Variants in TCEA1 observed in about 807,000 individuals in gnomAD.
TCEA1 encodes the protein transcription elongation factor A protein 1.
A neutral mutation model predicts 43.8 loss-of-function variants in TCEA1; 21 were observed. The observed-to-expected ratio is 0.48, with a 90% CI of 0.34 to 0.69. TCEA1 has a LOEUF of 0.69. Among genes scored for constraint, TCEA1 ranks in the 30% least tolerant of loss-of-function variants. The pLI, the probability that TCEA1 is intolerant of heterozygous loss-of-function variation, is 0.01. For missense variants in TCEA1, 250 were observed against 365.1 expected (o/e 0.68, Z 2.57); for synonymous variants, 104 against 117.5 (o/e 0.88, Z 0.75).
intron 2 of TCEA1, among the ~76,000 whole-genome samples, chr8:54,002,194 G>A (rs995117839): frequency 6.6e-6 from 1 of 151,710 alleles, no homozygotes; most frequent in African/African-American, 2.4e-5. Context: ...AAAAAAGGGC[G>A]GGTATGGTGG....
At chr8:53,989,614 T>C (rs187104396) in intron 4 of TCEA1, among the ~76,000 whole-genome samples, 2 of 152,380 alleles carry the variant, frequency 1.3e-5, no homozygotes, top group African/African-American at 4.8e-5. Context: ...TAACTTTTCA[T>C]ACATTTTCTT....
chr8:54,021,796 G>A (rs1185681548), intron 1 of TCEA1: 1 of 342,086 alleles, frequency 2.9e-6, no homozygotes, highest in Non-Finnish European at 5.2e-6. Context: ...CGGAGAGCGT[G>A]CCCTAATCCC....
chr8:54,006,714 A>C (rs1487219600), intron 2 of TCEA1, among the ~76,000 whole-genome samples: 1 of 152,252 alleles, frequency 6.6e-6, no homozygotes, highest in African/African-American at 2.4e-5. Context: ...AGGAAAGTTT[A>C]TTCTTAGAGT....
intron 7 of TCEA1, 45 bp from the exon 8 acceptor site, chr8:53,979,216 T>C (rs772841640): frequency 6.5e-7 from 1 of 1,533,618 alleles, no homozygotes. Flanking sequence ...ACACCTTCTA[T>C]ATATATCCTG....
intron 3 of TCEA1, among the ~76,000 whole-genome samples, chr8:53,997,144 G>A (rs1804085736): frequency 6.6e-6 from 1 of 151,924 alleles, no homozygotes; most frequent in South Asian, 2.1e-4. Context: ...TCCTGACCTC[G>A]TGATCTGCCT....
In TCEA1 at chr8:54,022,276, C is replaced by CG; in HGVS notation, c.-152dup. The CG allele has an allele frequency of 1.1e-6, 1 of 883,748 alleles. No homozygotes were observed. The highest frequency in any genetic ancestry group is 1.7e-5 in the South Asian group (1 of 60,436). 54.7% of individuals were successfully genotyped at this position (883,748 alleles called of 1,614,324 possible). ...GGCCCCCTTCCTTACGAACGAAGCC[C>CG]GCGGCGGCGGCGGCGGCGGCGGCGG... is the stretch of plus-strand genomic sequence containing the variant. On this transcript the variant is annotated 5_prime_UTR_variant, in exon 1 of 10. An upstream open reading frame in the 5' UTR loses its in-frame stop. Coordinates refer to ENST00000521604, the MANE Select transcript of TCEA1 (RefSeq NM_006756.4).
chr8:54,006,254 G>T (rs1417358454), intron 2 of TCEA1, among the ~76,000 whole-genome samples: 1 of 152,080 alleles, frequency 6.6e-6, no homozygotes, highest in Non-Finnish European at 1.5e-5. Flanking sequence ...TAGAATTTAA[G>T]TTCAATGAGG....
intron 8 of TCEA1, chr8:53,972,807 T>G (rs1803198884): frequency 1.4e-6 from 1 of 722,356 alleles, no homozygotes; most frequent in Non-Finnish European, 2.6e-6. Context: ...CAGTAAAATT[T>G]ATGAGGATTG....
Position 53,973,462 on chromosome 8 carries a change from T to A in TCEA1, c.826-2999A>T, listed in dbSNP as rs981801614. 9.9e-6 allele frequency: 5 copies of A among 502,582 alleles called. No individual in the cohort carries two copies. The African/African-American group carries it at 1.0e-4, about 10-fold the overall frequency. 31.1% of individuals were successfully genotyped at this position (502,582 alleles called of 1,614,324 possible). ...GATGTTGATATGAATGACCAGTACTTTGCTAAAGAAGTTTAAAAAAATAGG... is the reference window on the plus strand; with the variant it reads ...GATGTTGATATGAATGACCAGTACTATGCTAAAGAAGTTTAAAAAAATAGG... On this transcript the variant is annotated intron_variant, in intron 8 of 9. Transcript: ENST00000521604.
intron 2 of TCEA1, among the ~76,000 whole-genome samples, chr8:54,007,106 T>A (rs1034716454): frequency 9.2e-5 from 14 of 152,132 alleles, no homozygotes; most frequent in African/African-American, 3.4e-4. Context: ...GCTTCCAAAG[T>A]GCTGGAATTA....
Position 53,996,903 on chromosome 8 carries a change from C to CTTTTTTTTTTTTTTTTTTTTTTT in TCEA1, c.232+3041_232+3042insAAAAAAAAAAAAAAAAAAAAAAA, listed in dbSNP as rs754537318. On this transcript the variant is annotated intron_variant, in intron 3 of 9. Coordinates refer to ENST00000521604, the MANE Select transcript of TCEA1 (RefSeq NM_006756.4). ...AGCTAAGGGGTAAAAAGAAGGTTGT[C>CTTTTTTTTTTTTTTTTTTTTTTT]TTTTTTTTTTTTTTTAGACAGACTC... Among the ~76,000 whole-genome samples, 17 of 116,626 alleles carry CTTTTTTTTTTTTTTTTTTTTTTT rather than the reference C, an allele frequency of 1.5e-4. 2 individuals carry two copies. The highest frequency in any genetic ancestry group is 4.1e-4 in the African/African-American group (11 of 26,716). 76.5% of individuals were successfully genotyped at this position (116,626 alleles called of 152,430 possible).
rs564373269 is a variant in TCEA1 at position 53,973,652 on chromosome 8, CAAAAAGAAG to C, written c.826-3198_826-3190del. The stretch of plus-strand genomic sequence containing the variant: ...AGATTGTGGAGCACCAGAACCTGAG[CAAAAAGAAG>C]AAAAAGAAGAAAAAGCAGCTCATGA... On this transcript the variant is annotated intron_variant, in intron 8 of 9. Transcript: ENST00000521604. 907 of 548,618 alleles carry C rather than the reference CAAAAAGAAG, an allele frequency of 1.7e-3. 24 individuals are homozygous for C. Among genetic ancestry groups the C allele is most frequent in the African/African-American group, 0.015 (787 of 51,620 alleles). The allele number at this position is 548,618 out of a possible 1,614,324, so 34.0% of individuals were successfully genotyped here. A position where few individuals can be genotyped will look rare whatever the true frequency, so the allele number is the denominator to read the frequency against.
intron 1 of TCEA1, among the ~76,000 whole-genome samples, chr8:54,019,492 C>T (rs1804953521): frequency 6.6e-6 from 1 of 150,918 alleles, no homozygotes; most frequent in Non-Finnish European, 1.5e-5. Context: ...ATCGCTTGAA[C>T]TGGGGAGGCG....
chr8:53,983,686 A>G (rs937448045), intron 7 of TCEA1, among the ~76,000 whole-genome samples: 8 of 152,186 alleles, frequency 5.3e-5, no homozygotes, highest in African/African-American at 1.9e-4. Context: ...AAAAAGAAAT[A>G]ATCAATATGA....
chr8:53,979,456 T>C (rs1803438073), intron 7 of TCEA1, among the ~76,000 whole-genome samples: 1 of 152,244 alleles, frequency 6.6e-6, no homozygotes, highest in Non-Finnish European at 1.5e-5. Flanking sequence ...AAATTGAACA[T>C]GGCTGACTCC....
At chr8:53,990,094 G>A (rs942329482) in intron 4 of TCEA1, among the ~76,000 whole-genome samples, 1 of 151,938 alleles carries the variant, frequency 6.6e-6, no homozygotes, top group South Asian at 2.1e-4. Flanking sequence ...AGCTACTTGG[G>A]GGCTGAAGTA....
At chr8:53,985,196 T>A (rs1240294267) in intron 6 of TCEA1, among the ~76,000 whole-genome samples, 1 of 152,094 alleles carries the variant, frequency 6.6e-6, no homozygotes, top group African/African-American at 2.4e-5. Context: ...TTTGTATTTT[T>A]AGTAGAGACG....
At chr8:54,009,713 G>C (rs964735798) in intron 2 of TCEA1, 1 of 152,182 alleles carries the variant, frequency 6.6e-6, no homozygotes, top group Non-Finnish European at 1.5e-5. Context: ...TCATGGGTAC[G>C]AACATATAGT....
At position 53,988,256 on chromosome 8, in the gene TCEA1, A is replaced by G. The variant is rs1350748761; in HGVS notation, c.324T>C (p.Thr108=). 2.5e-6 allele frequency: 4 copies of G among 1,612,152 alleles called. No homozygotes were observed. The highest frequency in any genetic ancestry group is 2.2e-5 in the East Asian group (1 of 44,868). Residue 108 remains threonine (T), a synonymous_variant, in exon 5 of 10, where the codon ACT becomes ACC. Transcript: ENST00000521604. ...QNSPEAREES[T]SSGNVSNRKD... is the part of the protein sequence containing the mutation. Reference sequence around the variant, plus strand: ...TTCTGTTGCTTACATTGCCGCTGGAAGTACTGAAATACGCACAAACACCCC... The same window carrying G: ...TTCTGTTGCTTACATTGCCGCTGGAGGTACTGAAATACGCACAAACACCCC...
Sources: allele counts gnomAD v4.1 joint callset (sites outside exome capture counted in the v4.1 genomes callset), GRCh38; gene constraint gnomAD v4.1.1; transcripts MANE v1.5; gene names NCBI Gene and HGNC (gene_info 2026-07-23, HGNC 2026-07-21).